ZFAND5: variants seen among roughly 807,000 people sequenced by gnomAD.
ZFAND5 encodes AN1-type zinc finger protein 5.
In ZFAND5, 4 loss-of-function variants were observed where a neutral mutation model predicts 23.6. That is an observed-to-expected ratio of 0.17 (90% confidence interval 0.08 to 0.39). The LOEUF is 0.39. Among genes scored for constraint, ZFAND5 ranks in the 10% least tolerant of loss-of-function variants. ZFAND5 has a pLI of 1.00. For missense variants in ZFAND5, 161 were observed against 253.7 expected (o/e 0.63, Z 2.48); for synonymous variants, 68 against 80.6 (o/e 0.84, Z 0.84).
In ZFAND5 at chr9:72,360,643, T is replaced by G. The variant is rs767927877; in HGVS notation, c.136A>C (p.Arg46=). 6.2e-7 allele frequency: 1 copy of G among 1,613,882 alleles called. No individual in the cohort carries two copies. The highest frequency in any genetic ancestry group is 1.1e-5 in the South Asian group (1 of 91,076). Reference sequence around the variant, plus strand: ...AATAACTTACCCATTGGGCTCATTCTGCCACTATTTTGCTGCCTCTGAAGA... The same window carrying G: ...AATAACTTACCCATTGGGCTCATTCGGCCACTATTTTGCTGCCTCTGAAGA... ...EHLQRQQNSG[R]MSPMGTASGS... is the part of the protein sequence containing the mutation. The change falls in exon 3 of 7, where the codon AGA becomes CGA. Residue 46 remains arginine, a synonymous_variant. Coordinates refer to ENST00000376962, the MANE Select transcript of ZFAND5 (RefSeq NM_001102420.3).
chr9:72,354,727 CTA>C lies in ZFAND5; in HGVS notation c.*1224_*1225del. 6.6e-6 allele frequency: 1 copy of C among 152,626 alleles called. No individual in the cohort carries two copies. The highest frequency in any genetic ancestry group is 1.9e-4 in the East Asian group (1 of 5,138). 9.5% of individuals were successfully genotyped at this position (152,626 alleles called of 1,614,324 possible). A position where few individuals can be genotyped will look rare whatever the true frequency, so the allele number is the denominator to read the frequency against. On this transcript the variant is annotated 3_prime_UTR_variant, in exon 7 of 7. Transcript: ENST00000376962. ...AAAACAGGCATTACCACAACACTAA[CTA>C]TACTCATTTATATATAAAAAACACA...
chr9:72,360,524 A>G, intron 3 of ZFAND5, 104 bp downstream of exon 3: 1 of 1,472,528 alleles, frequency 6.8e-7, no homozygotes, highest in Non-Finnish European at 9.3e-7. Flanking sequence ...AGCTCTTATC[A>G]GGTGTTCTCT....
chr9:72,359,618 C>T (rs3012505), intron 4 of ZFAND5, 97 bp from the exon 5 acceptor site: 542,914 of 1,125,936 alleles, frequency 0.48, 135,608 homozygotes, highest in South Asian at 0.56. Flanking sequence ...TAGAATATTT[C>T]CAAAATGAGC....
At chr9:72,362,909 T>C (rs745539411) in intron 2 of ZFAND5, among the ~76,000 whole-genome samples, 4 of 152,156 alleles carry the variant, frequency 2.6e-5, no homozygotes, top group Non-Finnish European at 5.9e-5. Flanking sequence ...TGAAATCAGC[T>C]TCTATTTATA....
chr9:72,357,163 T>G, intron 5 of ZFAND5, 107 bp from the exon 6 acceptor site: 1 of 1,334,332 alleles, frequency 7.5e-7, no homozygotes, highest in East Asian at 2.4e-5. Flanking sequence ...TAAAAATGTT[T>G]ATAAGTATTC....
chr9:72,362,977 A>G (rs1183142629), intron 2 of ZFAND5, among the ~76,000 whole-genome samples: 1 of 152,218 alleles, frequency 6.6e-6, no homozygotes, highest in African/African-American at 2.4e-5. Context: ...GCGTTCATAT[A>G]TCTAACATAA....
At chr9:72,362,421 T>G (rs1023795922) in intron 2 of ZFAND5, among the ~76,000 whole-genome samples, 2 of 152,212 alleles carry the variant, frequency 1.3e-5, no homozygotes, top group African/African-American at 2.4e-5. Flanking sequence ...TAAAACCAGT[T>G]TAAGTATGCT....
intron 3 of ZFAND5, 198 bp from the exon 4 acceptor site, chr9:72,360,419 C>T: frequency 1.2e-6 from 1 of 850,474 alleles, no homozygotes; most frequent in African/African-American, 1.7e-5. Context: ...CAAAATAACC[C>T]CAAAAAAGAA....
intron 2 of ZFAND5, among the ~76,000 whole-genome samples, chr9:72,361,648 G>T (rs1333957931): frequency 6.6e-6 from 1 of 152,136 alleles, no homozygotes; most frequent in African/African-American, 2.4e-5. Flanking sequence ...ATTCAATGCT[G>T]GGTTACCAGA....
intron 5 of ZFAND5, among the ~76,000 whole-genome samples, chr9:72,359,214 A>C (rs1413833112): frequency 1.3e-5 from 2 of 151,900 alleles, no homozygotes; most frequent in African/African-American, 4.8e-5. Flanking sequence ...TGAGCAGAGA[A>C]GAAACTGAGA....
At position 72,355,922 on chromosome 9, in the gene ZFAND5, A is replaced by G; in HGVS notation, c.*31T>C. 1.3e-6 allele frequency: 2 copies of G among 1,570,184 alleles called. No individual in the cohort carries two copies. The highest frequency in any genetic ancestry group is 1.7e-6 in the Non-Finnish European group (2 of 1,160,746). On this transcript the variant is annotated 3_prime_UTR_variant, in exon 7 of 7. Transcript: ENST00000376962. ...TTTCCTACGATATATTAAAATAAAA[A>G]CAAAGTTTCAGTCTCTTCACAAGAA...
chr9:72,360,245 GGAACCAAT>G (rs767881581), intron 3 of ZFAND5, 24 bp from the exon 4 acceptor site: 1 of 1,588,516 alleles, frequency 6.3e-7, no homozygotes, highest in Admixed American at 1.8e-5. Context: ...GGATTTGTAA[GGAACCAAT>G]GAACACTACA....
chr9:72,356,915 T>C lies in ZFAND5; in HGVS notation c.493+16A>G. 6.2e-7 allele frequency: 1 copy of C among 1,611,414 alleles called. No individual in the cohort carries two copies. The highest frequency in any genetic ancestry group is 8.5e-7 in the Non-Finnish European group (1 of 1,179,438). On this transcript the variant is annotated intron_variant, in intron 6 of 6. Coordinates refer to ENST00000376962, the MANE Select transcript of ZFAND5 (RefSeq NM_001102420.3). ...CTGCAGAAGTAAAACATACATTGTC[T>C]TGTGTTTTGTAATACCTGTAAGACC...
intron 4 of ZFAND5, 113 bp downstream of exon 4, chr9:72,359,997 T>A: frequency 1.2e-6 from 1 of 831,678 alleles, no homozygotes; most frequent in Non-Finnish European, 1.9e-6. Context: ...TAAAAGACAC[T>A]GAAATCCTCG....
intron 6 of ZFAND5, 91 bp downstream of exon 6, chr9:72,356,840 T>C (rs1841957129): frequency 7.5e-7 from 1 of 1,330,584 alleles, no homozygotes; most frequent in Non-Finnish European, 9.8e-7. Context: ...TTTTTTTTTA[T>C]GTGTAAGACC....
At chr9:72,359,032 GT>G (rs1842020999) in intron 5 of ZFAND5, among the ~76,000 whole-genome samples, 1 of 152,094 alleles carries the variant, frequency 6.6e-6, no homozygotes, top group Non-Finnish European at 1.5e-5. Flanking sequence ...GTTCAAATAT[GT>G]TGTTCTACTT....
chr9:72,352,786 A>AG lies in ZFAND5; in HGVS notation c.*3166_*3167insC. 1 of 152,204 alleles carries AG rather than the reference A, an allele frequency of 6.6e-6. No homozygotes were observed. Among genetic ancestry groups the AG allele is most frequent in the African/African-American group, 2.4e-5 (1 of 41,444 alleles). 9.4% of individuals were successfully genotyped at this position (152,204 alleles called of 1,614,324 possible). On this transcript the variant is annotated 3_prime_UTR_variant, in exon 7 of 7. Transcript: ENST00000376962. ...TTCCAGAACATTAAGACAATAGCAA[A>AG]TACAATGTGCCAGGCACAGTTTTAA...
intron 1 of ZFAND5, chr9:72,364,402 G>A (rs910318232): frequency 5.0e-6 from 6 of 1,199,548 alleles, no homozygotes; most frequent in Non-Finnish European, 6.3e-6. Context: ...CGCCGCCGCG[G>A]AGGCGAGCGG....
intron 1 of ZFAND5, chr9:72,364,379 T>C (rs998177447): frequency 8.6e-7 from 1 of 1,166,634 alleles, no homozygotes; most frequent in South Asian, 1.6e-5. Context: ...TGGGTCGTGG[T>C]GCCCACGCCG....
Sources: allele counts gnomAD v4.1 joint callset (sites outside exome capture counted in the v4.1 genomes callset), GRCh38; gene constraint gnomAD v4.1.1; transcripts MANE v1.5; gene names NCBI Gene and HGNC (gene_info 2026-07-23, HGNC 2026-07-21).